The following RUNX1 variants were observed in gnomAD, a reference collection of about 807,000 sequenced individuals.
RUNX1 encodes RUNX family transcription factor 1, also known as runt-related transcription factor 1.
A neutral mutation model predicts 42.8 loss-of-function variants in RUNX1; 19 were observed. That is an observed-to-expected ratio of 0.44 (90% CI 0.31 to 0.65). The LOEUF (loss-of-function observed/expected upper bound fraction) is 0.65, where lower values mean the gene tolerates loss of function less well. Ranked by LOEUF, RUNX1 falls within the 30% of genes least tolerant of loss-of-function variation. RUNX1 has a pLI of 0.07. For missense variants in RUNX1, 528 were observed against 672.0 expected (o/e 0.79, Z 2.37); for synonymous variants, 271 against 289.4 (o/e 0.94, Z 0.64).
intron 3 of RUNX1, among the ~76,000 whole-genome samples, chr21:34,892,591 A>G (rs1190172530): frequency 4.6e-5 from 7 of 152,234 alleles, no homozygotes; most frequent in Admixed American, 2.6e-4. Flanking sequence ...TACCACTGCT[A>G]TAACACAGGT....
intron 2 of RUNX1, among the ~76,000 whole-genome samples, chr21:34,985,209 G>A (rs1394022828): frequency 6.6e-6 from 1 of 152,152 alleles, no homozygotes; most frequent in Non-Finnish European, 1.5e-5. Flanking sequence ...TAGATTGATG[G>A]GTCCTTCATT....
chr21:35,009,821 TA>T (rs2059112542), intron 2 of RUNX1, among the ~76,000 whole-genome samples: 1 of 152,228 alleles, frequency 6.6e-6, no homozygotes, highest in African/African-American at 2.4e-5. Flanking sequence ...CAGGAGGGTT[TA>T]AAATTTTGAC....
intron 2 of RUNX1, among the ~76,000 whole-genome samples, chr21:34,983,647 G>T (rs908565524): frequency 2.7e-4 from 41 of 152,222 alleles, no homozygotes; most frequent in African/African-American, 9.4e-4. Flanking sequence ...AAGAATCCTA[G>T]AACTACACAC....
chr21:34,799,232 A>G, intron 8 of RUNX1, 69 bp downstream of exon 8: 2 of 1,536,576 alleles, frequency 1.3e-6, no homozygotes, highest in Admixed American at 1.7e-5. Flanking sequence ...CAACTCCTTC[A>G]TGCACCTCTA....
At chr21:35,015,079 C>T (rs562739425) in intron 2 of RUNX1, among the ~76,000 whole-genome samples, 8 of 152,320 alleles carry the variant, frequency 5.3e-5, no homozygotes, top group African/African-American at 1.7e-4. Flanking sequence ...GAGGCAGCAA[C>T]GTGGAGTGAA....
chr21:34,809,458 C>G (rs1193475321), intron 7 of RUNX1, among the ~76,000 whole-genome samples: 1 of 151,944 alleles, frequency 6.6e-6, no homozygotes, highest in Non-Finnish European at 1.5e-5. Flanking sequence ...AGCTGGGAAG[C>G]TTCAAGCAGA....
intron 6 of RUNX1, among the ~76,000 whole-genome samples, chr21:34,839,719 G>A (rs1480468779): frequency 6.6e-6 from 1 of 152,120 alleles, no homozygotes; most frequent in African/African-American, 2.4e-5. Flanking sequence ...TGAGAATTTG[G>A]AGTTCTAATA....
At chr21:34,851,620 G>A (rs1031768540) in intron 6 of RUNX1, among the ~76,000 whole-genome samples, 5 of 151,966 alleles carry the variant, frequency 3.3e-5, no homozygotes, top group Admixed American at 6.5e-5. Context: ...GTCATACAAT[G>A]AATTCTAACA....
intron 2 of RUNX1, among the ~76,000 whole-genome samples, chr21:34,987,785 T>A (rs934887884): frequency 2.6e-5 from 4 of 152,064 alleles, no homozygotes; most frequent in African/African-American, 7.2e-5. Flanking sequence ...CCCAAGTCAC[T>A]CAGAAAAGAG....
At chr21:34,909,588 CAAAAAAAA>C in intron 2 of RUNX1, among the ~76,000 whole-genome samples, 1 of 75,026 alleles carries the variant, frequency 1.3e-5, no homozygotes, top group African/African-American at 6.2e-5. Flanking sequence ...CACTGTTCCT[CAAAAAAAA>C]AAAAAAAAAA....
chr21:34,812,322 G>C (rs2056768542), intron 7 of RUNX1, among the ~76,000 whole-genome samples: 1 of 152,208 alleles, frequency 6.6e-6, no homozygotes, highest in Admixed American at 6.5e-5. Context: ...ACCCCAAAGA[G>C]TTGACCTTGA....
chr21:34,850,077 A>G (rs2057396024), intron 6 of RUNX1, among the ~76,000 whole-genome samples: 1 of 152,174 alleles, frequency 6.6e-6, no homozygotes, highest in African/African-American at 2.4e-5. Context: ...TCAAGGAGAA[A>G]TTTTTCAAAA....
At chr21:35,044,369 G>T (rs1172752643) in intron 2 of RUNX1, among the ~76,000 whole-genome samples, 1 of 152,124 alleles carries the variant, frequency 6.6e-6, no homozygotes, top group Non-Finnish European at 1.5e-5. Context: ...CGGTTGACTG[G>T]CTGCCTTCTT....
intron 6 of RUNX1, among the ~76,000 whole-genome samples, chr21:34,839,037 C>T (rs920358396): frequency 6.6e-6 from 1 of 152,098 alleles, no homozygotes; most frequent in African/African-American, 2.4e-5. Context: ...CTTTCCCCCA[C>T]CCCAATTTCT....
intron 2 of RUNX1, among the ~76,000 whole-genome samples, chr21:34,954,184 A>C (rs1007483016): frequency 3.3e-5 from 5 of 152,214 alleles, no homozygotes; most frequent in Non-Finnish European, 7.3e-5. Context: ...AGCTACAGAA[A>C]GAGTCATCTT....
chr21:34,792,066 A>G lies in RUNX1; in HGVS notation c.*69T>C. On this transcript the variant is annotated 3_prime_UTR_variant, in exon 9 of 9. Transcript: ENST00000675419. This position sits in a 1 kb window ranked among gnomAD's most constrained non-coding sequence, Gnocchi z 6.9. ...CGGGATCCCGGCGGGCTTGTCGCGA[A>G]CAGGAGGCCCGCGCGCCCGGAGGCG... The G allele has an allele frequency of 3.9e-6, 4 of 1,024,924 alleles. No homozygotes were observed. The highest frequency in any genetic ancestry group is 5.2e-6 in the Non-Finnish European group (4 of 773,748). 63.5% of individuals were successfully genotyped at this position (1,024,924 alleles called of 1,614,324 possible). A position where few individuals can be genotyped will look rare whatever the true frequency, so the allele number is the denominator to read the frequency against.
chr21:34,825,356 G>A (rs911569242), intron 7 of RUNX1, among the ~76,000 whole-genome samples: 1 of 152,166 alleles, frequency 6.6e-6, no homozygotes, highest in Non-Finnish European at 1.5e-5. Flanking sequence ...AGGGAAGAGA[G>A]CTCTTTCTCT....
intron 6 of RUNX1, among the ~76,000 whole-genome samples, chr21:34,848,734 C>T (rs2057352293): frequency 6.6e-6 from 1 of 152,126 alleles, no homozygotes; most frequent in African/African-American, 2.4e-5. Flanking sequence ...CGCGCCCAGC[C>T]CCCTGGTTCA....
rs992273940 is a variant in RUNX1 at position 34,787,807 on chromosome 21, G to GT, written c.*4327dup. On this transcript the variant is annotated 3_prime_UTR_variant, in exon 9 of 9. Coordinates refer to ENST00000675419, the MANE Select transcript of RUNX1 (RefSeq NM_001754.5). ...AAAGACAAAACCAATTGGATATGGT[G>GT]TATGTACTTGTCAAACTGTTTATTT... The GT allele has an allele frequency of 3.9e-5, 9 of 231,180 alleles. No individual in the cohort carries two copies. The highest frequency in any genetic ancestry group is 1.5e-4 in the African/African-American group (7 of 45,190). 14.3% of individuals were successfully genotyped at this position (231,180 alleles called of 1,614,324 possible).
Sources: allele counts gnomAD v4.1 joint callset (sites outside exome capture counted in the v4.1 genomes callset), GRCh38; gene constraint gnomAD v4.1.1; non-coding constraint Gnocchi (gnomAD v3.1); transcripts MANE v1.5; gene names NCBI Gene and HGNC (gene_info 2026-07-23, HGNC 2026-07-21).